The following SLC7A5 variants were observed in gnomAD, a reference collection of about 807,000 sequenced individuals.
SLC7A5 encodes the protein solute carrier family 7 member 5.
Under a neutral mutation model 50.2 loss-of-function variants are expected in SLC7A5, and 23 were observed. The ratio of observed to expected loss-of-function variants is 0.46; its 90% CI spans 0.33 to 0.65. SLC7A5 has a LOEUF of 0.65. Among genes scored for constraint, SLC7A5 ranks in the 30% least tolerant of loss-of-function variants. The pLI, the probability that SLC7A5 is intolerant of heterozygous loss-of-function variation, is 0.02. For missense variants in SLC7A5, 578 were observed against 684.4 expected (o/e 0.84, Z 1.73); for synonymous variants, 393 against 330.6 (o/e 1.19, Z -2.05).
chr16:87,865,596 A>G (rs1262543231), intron 1 of SLC7A5, among the ~76,000 whole-genome samples: 1 of 152,100 alleles, frequency 6.6e-6, no homozygotes, highest in Non-Finnish European at 1.5e-5. Flanking sequence ...AGTCCCAGCT[A>G]CTCGGGAGGC....
intron 1 of SLC7A5, among the ~76,000 whole-genome samples, chr16:87,866,647 A>G (rs549799061): frequency 4.1e-4 from 62 of 152,082 alleles, no homozygotes; most frequent in African/African-American, 1.5e-3. Flanking sequence ...TTGTATTTTT[A>G]GTAGAGATGG....
In SLC7A5 at chr16:87,853,095, G is replaced by T. The variant is rs143566803; in HGVS notation, c.539-1246C>A. Among the ~76,000 whole-genome samples, 2 of 151,822 alleles carry T rather than the reference G, an allele frequency of 1.3e-5. No homozygotes were observed. Among genetic ancestry groups the T allele is most frequent in the East Asian group, 1.9e-4 (1 of 5,194 alleles). ...GGAAGGTGAGAGCATCAGAAAGGCC[G>T]TGGGCTCCTCTTCTCTCTTTCCCCT... On this transcript the variant is annotated intron_variant, in intron 1 of 9. Coordinates refer to ENST00000261622, the MANE Select transcript of SLC7A5 (RefSeq NM_003486.7). The surrounding 1 kb of genome is among the most constrained non-coding windows in gnomAD (Gnocchi z 4.4).
At chr16:87,851,909 G>A in intron 1 of SLC7A5, 60 bp from the exon 2 acceptor site, 1 of 1,608,556 alleles carries the variant, frequency 6.2e-7, no homozygotes, top group Non-Finnish European at 8.5e-7. Flanking sequence ...CTCAGGGGTA[G>A]GCTGGGAGGT....
intron 2 of SLC7A5, among the ~76,000 whole-genome samples, chr16:87,845,395 C>G (rs2055138937): frequency 6.6e-6 from 1 of 152,170 alleles, no homozygotes; most frequent in African/African-American, 2.4e-5. Flanking sequence ...CAGTCCAGAG[C>G]CCAGGCCAGA....
rs1191850760 is a variant in SLC7A5 at position 87,852,694 on chromosome 16, T to A, written c.539-845A>T. ...TGTGTGTGTGTGTGTGTGTTGGGGGTTCTGTTGCAATATATAGGCACGCTG... is the reference window on the plus strand; with the variant it reads ...TGTGTGTGTGTGTGTGTGTTGGGGGATCTGTTGCAATATATAGGCACGCTG... On this transcript the variant is annotated intron_variant, in intron 1 of 9. Transcript: ENST00000261622. This position sits in a 1 kb window ranked among gnomAD's most constrained non-coding sequence, Gnocchi z 4.5. Among the ~76,000 whole-genome samples, 2 of 102,236 alleles carry A rather than the reference T, an allele frequency of 2.0e-5. No individual in the cohort carries two copies. Among genetic ancestry groups the A allele is most frequent in the Non-Finnish European group, 4.1e-5 (2 of 49,200 alleles). The allele number at this position is 102,236 out of a possible 152,430, so 67.1% of individuals were successfully genotyped here.
At position 87,834,619 on chromosome 16, in the gene SLC7A5, G is replaced by A. The variant is rs374861447; in HGVS notation, c.1291-28C>T. 1.3e-5 allele frequency: 21 copies of A among 1,563,962 alleles called. No individual in the cohort carries two copies. The African/African-American group carries it at 2.7e-4, about 20-fold the overall frequency. On this transcript the variant is annotated intron_variant, in intron 8 of 9. Coordinates refer to ENST00000261622, the MANE Select transcript of SLC7A5 (RefSeq NM_003486.7). Reference sequence around the variant, plus strand: ...GGGGCAGAGGACAGGGCCTGGGTGAGCCCTCTCCTGTCCAGCCTCCCTCCC... The same window carrying A: ...GGGGCAGAGGACAGGGCCTGGGTGAACCCTCTCCTGTCCAGCCTCCCTCCC...
At chr16:87,834,732 T>C (rs907058155) in intron 8 of SLC7A5, 141 bp from the exon 9 acceptor site, 8 of 839,124 alleles carry the variant, frequency 9.5e-6, no homozygotes, top group Admixed American at 8.0e-5. Context: ...CTGCACTCCA[T>C]CTGCCTCACA....
At chr16:87,834,641 T>A in intron 8 of SLC7A5, 50 bp from the exon 9 acceptor site, 1 of 1,548,384 alleles carries the variant, frequency 6.5e-7, no homozygotes, top group Non-Finnish European at 8.7e-7. Context: ...CCAGCCTCCC[T>A]CCCCCATGCC....
Position 87,834,597 on chromosome 16 carries a change from G to T in SLC7A5, c.1291-6C>A. On this transcript the variant is annotated splice_region_variant and splice_polypyrimidine_tract_variant and intron_variant, in intron 8 of 9. Transcript: ENST00000261622. ...ACAGGCAGGGCCAGGTTCACCTGGG[G>T]CAGAGGACAGGGCCTGGGTGAGCCC... The T allele has an allele frequency of 6.3e-7, 1 of 1,580,778 alleles. No individual in the cohort carries two copies. Among genetic ancestry groups the T allele is most frequent in the Non-Finnish European group, 8.6e-7 (1 of 1,164,936 alleles).
chr16:87,846,192 T>G (rs1425392879), intron 2 of SLC7A5, among the ~76,000 whole-genome samples: 1 of 152,102 alleles, frequency 6.6e-6, no homozygotes, highest in African/African-American at 2.4e-5. Flanking sequence ...ATCTGGGAGC[T>G]CCTGAGCGCA....
chr16:87,852,978 T>G lies in SLC7A5; in HGVS notation c.539-1129A>C, dbSNP rs769346194. The stretch of plus-strand genomic sequence containing the variant: ...AGCTTGAAATCTGCCAGTGGGAACG[T>G]CTACACCCCAGAAGTGGGCAAAGGC... On this transcript the variant is annotated intron_variant, in intron 1 of 9. Transcript: ENST00000261622. This position sits in a 1 kb window ranked among gnomAD's most constrained non-coding sequence, Gnocchi z 4.5. Among the ~76,000 whole-genome samples the G allele has an allele frequency of 6.6e-6, 1 of 152,162 alleles. No homozygotes were observed. The highest frequency in any genetic ancestry group is 2.1e-4 in the South Asian group (1 of 4,828).
intron 2 of SLC7A5, among the ~76,000 whole-genome samples, chr16:87,851,437 G>A (rs528639465): frequency 2.6e-5 from 4 of 152,312 alleles, no homozygotes; most frequent in South Asian, 2.1e-4. Context: ...AGGTTACAAC[G>A]CATCAGCTGG....
At position 87,832,913 on chromosome 16, in the gene SLC7A5, T is replaced by G. The variant is rs1597490088; in HGVS notation, c.*57A>C. On this transcript the variant is annotated 3_prime_UTR_variant, in exon 10 of 10. Transcript: ENST00000261622. The surrounding 1 kb of genome is among the most constrained non-coding windows in gnomAD (Gnocchi z 4.6). ...GGGAACCGGAGTGGGTTCGAGGAGG[T>G]GATCTACTTTAACTGGCCTCTGCGC... The G allele has an allele frequency of 7.1e-7, 1 of 1,415,794 alleles. No homozygotes were observed. The highest frequency in any genetic ancestry group is 1.0e-6 in the Non-Finnish European group (1 of 1,000,284). The allele number at this position is 1,415,794 out of a possible 1,614,324, so 87.7% of individuals were successfully genotyped here.
At position 87,862,334 on chromosome 16, in the gene SLC7A5, A is replaced by C. The variant is rs1294198773; in HGVS notation, c.538+6551T>G. 2.6e-5 allele frequency among the ~76,000 whole-genome samples: 4 copies of C among 152,162 alleles called. No individual in the cohort carries two copies. Among genetic ancestry groups the C allele is most frequent in the Non-Finnish European group, 4.4e-5 (3 of 68,010 alleles). ...GCTCTCTGGTCACTGCTAACTGGCC[A>C]ACTGGCCTTTGAGTCCACTGACCAC... On this transcript the variant is annotated intron_variant, in intron 1 of 9. Coordinates refer to ENST00000261622, the MANE Select transcript of SLC7A5 (RefSeq NM_003486.7). The surrounding 1 kb of genome is among the most constrained non-coding windows in gnomAD (Gnocchi z 5.3).
intron 1 of SLC7A5, among the ~76,000 whole-genome samples, chr16:87,858,757 A>G (rs1235622348): frequency 6.6e-6 from 1 of 152,166 alleles, no homozygotes; most frequent in Non-Finnish European, 1.5e-5. Flanking sequence ...AAGCCAGTCC[A>G]ACTCAACAGC....
rs2055264880 is a variant in SLC7A5, at chr16:87,853,434, A to G, written c.539-1585T>C. ...TTTTCGCTGCTATTCCTAAAATAAA[A>G]TACTTGAAATTCCGGAACTTCCACT... On this transcript the variant is annotated intron_variant, in intron 1 of 9. Transcript: ENST00000261622. The surrounding 1 kb of genome is among the most constrained non-coding windows in gnomAD (Gnocchi z 4.4). Among the ~76,000 whole-genome samples the G allele has an allele frequency of 1.3e-5, 2 of 152,166 alleles. No homozygotes were observed. Among genetic ancestry groups the G allele is most frequent in the South Asian group, 4.1e-4 (2 of 4,830 alleles).
chr16:87,856,997 C>T (rs546455435), intron 1 of SLC7A5, among the ~76,000 whole-genome samples: 10 of 129,566 alleles, frequency 7.7e-5, no homozygotes, highest in South Asian at 2.5e-4. Context: ...CTGATGGACA[C>T]GTCACCGCCC....
At chr16:87,843,559 T>A (rs1227633689) in intron 2 of SLC7A5, among the ~76,000 whole-genome samples, 1 of 151,806 alleles carries the variant, frequency 6.6e-6, no homozygotes, top group Non-Finnish European at 1.5e-5. Flanking sequence ...ACTCATCCAG[T>A]GACTCCACGC....
At chr16:87,868,622 G>A (rs1195801766) in intron 1 of SLC7A5, among the ~76,000 whole-genome samples, 2 of 152,214 alleles carry the variant, frequency 1.3e-5, no homozygotes, top group Non-Finnish European at 2.9e-5. Flanking sequence ...CTTAAGTGGG[G>A]GAATGGAATG....
Sources: gnomAD v4.1 joint callset for allele counts (sites outside exome capture counted in the v4.1 genomes callset) on GRCh38, gnomAD v4.1.1 for gene constraint, Gnocchi (gnomAD v3.1) non-coding constraint, MANE v1.5 for transcripts, NCBI Gene and HGNC (gene_info 2026-07-23, HGNC 2026-07-21) for gene names.